EML4: variants seen among roughly 807,000 people sequenced by gnomAD.
EML4 encodes the protein EMAP like 4, also known as echinoderm microtubule-associated protein-like 4.
A neutral mutation model predicts 129.0 loss-of-function variants in EML4; 72 were observed. The ratio of observed to expected loss-of-function variants is 0.56; its 90% CI spans 0.46 to 0.68. The LOEUF (loss-of-function observed/expected upper bound fraction) is 0.68, where lower values mean the gene tolerates loss of function less well. EML4 is among the 30% of genes least tolerant of loss of function. The pLI is 0.00. For synonymous variants in EML4, 532 were observed against 405.0 expected (o/e 1.31, Z -3.77); for missense variants, 1,363 against 1,190.6 (o/e 1.14, Z -2.13).
chr2:42,218,285 C>T (rs935820394), intron 1 of EML4, among the ~76,000 whole-genome samples: 1 of 151,980 alleles, frequency 6.6e-6, no homozygotes, highest in Non-Finnish European at 1.5e-5. Flanking sequence ...TTTTCCATCA[C>T]TTCCAGATGG....
At chr2:42,294,988 C>A in intron 11 of EML4, 137 bp from the exon 12 acceptor site, 1 of 711,028 alleles carries the variant, frequency 1.4e-6, no homozygotes, top group Non-Finnish European at 2.2e-6. Context: ...CAAAATTTTT[C>A]AGGAAAATTG....
rs776697837 is a variant in EML4 at position 42,330,300 on chromosome 2, GTTGA to G, written c.*98_*101del. ...GGATGGGCAGTGATGGAGAATCACT[GTTGA>G]TTGAGATTTTGGTTTCCATGTGATT... On this transcript the variant is annotated 3_prime_UTR_variant, in exon 23 of 23. Transcript: ENST00000318522. 3 of 1,166,684 alleles carry G rather than the reference GTTGA, an allele frequency of 2.6e-6. No homozygotes were observed. Among genetic ancestry groups the G allele is most frequent in the Non-Finnish European group, 3.8e-6 (3 of 793,050 alleles). 72.3% of individuals were successfully genotyped at this position (1,166,684 alleles called of 1,614,324 possible).
intron 1 of EML4, among the ~76,000 whole-genome samples, chr2:42,188,740 G>C (rs1671413240): frequency 2.0e-5 from 3 of 152,066 alleles, no homozygotes; most frequent in African/African-American, 4.8e-5. Flanking sequence ...TGGCCAGGTT[G>C]GTCTTGAACT....
intron 3 of EML4, among the ~76,000 whole-genome samples, chr2:42,259,901 T>C (rs1481674535): frequency 6.6e-6 from 1 of 151,816 alleles, no homozygotes; most frequent in African/African-American, 2.4e-5. Flanking sequence ...AGCTAATTTT[T>C]TGTATTTGTT....
At chr2:42,301,611 G>A (rs1206950434) in intron 14 of EML4, among the ~76,000 whole-genome samples, 1 of 151,484 alleles carries the variant, frequency 6.6e-6, no homozygotes, top group African/African-American at 2.4e-5. Flanking sequence ...AGATTAGGCA[G>A]AATAATTTGC....
At chr2:42,240,850 C>T (rs1166371495) in intron 1 of EML4, among the ~76,000 whole-genome samples, 1 of 152,054 alleles carries the variant, frequency 6.6e-6, no homozygotes, top group Admixed American at 6.6e-5. Flanking sequence ...TGGTAAATAG[C>T]AAACAGATGG....
intron 1 of EML4, among the ~76,000 whole-genome samples, chr2:42,187,586 A>G (rs1671334818): frequency 6.6e-6 from 1 of 152,160 alleles, no homozygotes; most frequent in African/African-American, 2.4e-5. Flanking sequence ...GCTGCAGTGA[A>G]CATTTGAGTA....
At chr2:42,254,340 A>G (rs1675982323) in intron 2 of EML4, among the ~76,000 whole-genome samples, 1 of 151,950 alleles carries the variant, frequency 6.6e-6, no homozygotes, top group South Asian at 2.1e-4. Flanking sequence ...ACCTGTAGTC[A>G]CAGCTGCTCA....
chr2:42,316,027 T>C lies in EML4; in HGVS notation c.2033T>C (p.Leu678Pro). ...VSIHTDGNEQLSVMRYSIDGT... is the reference protein window; with the variant it reads ...VSIHTDGNEQPSVMRYSIDGT... ...ATCCACACAGACGGGAATGAACAGC[T>C]CTCTGTGATGCGCTACTCAATAGGT... The change falls in exon 18 of 23, where the codon CTC becomes CCC. Residue 678 changes from leucine (L) to proline (P), a missense_variant. Transcript: ENST00000318522. 6.2e-7 allele frequency: 1 copy of C among 1,613,726 alleles called. No homozygotes were observed. The highest frequency in any genetic ancestry group is 8.5e-7 in the Non-Finnish European group (1 of 1,179,700).
intron 1 of EML4, among the ~76,000 whole-genome samples, chr2:42,174,433 G>C (rs539613961): frequency 6.6e-6 from 1 of 152,200 alleles, no homozygotes; most frequent in South Asian, 2.1e-4. Flanking sequence ...TGGGATTACA[G>C]TTGTGTACCA....
chr2:42,309,242 C>CA (rs1480563803), intron 17 of EML4, among the ~76,000 whole-genome samples: 3 of 147,380 alleles, frequency 2.0e-5, no homozygotes, highest in African/African-American at 7.4e-5. Flanking sequence ...CTTGCCTCTA[C>CA]AAAAAATAAA....
In EML4 at chr2:42,169,570, G is replaced by T. The variant is rs542007323; in HGVS notation, c.-42G>T. On this transcript the variant is annotated 5_prime_UTR_variant, in exon 1 of 23. Coordinates refer to ENST00000318522, the MANE Select transcript of EML4 (RefSeq NM_019063.5). The stretch of plus-strand genomic sequence containing the variant: ...ACTCTGTCGGTCCGCTGAATGAAGT[G>T]CCCGCCCCTCTAAGCCCGGAGCCCG... 1.1e-4 allele frequency: 176 copies of T among 1,591,922 alleles called. No homozygotes were observed. Among genetic ancestry groups the T allele is most frequent in the Admixed American group, 5.1e-4 (30 of 58,324 alleles).
At chr2:42,179,959 G>A (rs1670836552) in intron 1 of EML4, among the ~76,000 whole-genome samples, 1 of 152,176 alleles carries the variant, frequency 6.6e-6, no homozygotes, top group Admixed American at 6.5e-5. Flanking sequence ...GAGGGACAGA[G>A]CATGCATATG....
chr2:42,206,440 T>C (rs1350860887), intron 1 of EML4, among the ~76,000 whole-genome samples: 4 of 152,124 alleles, frequency 2.6e-5, no homozygotes, highest in African/African-American at 7.2e-5. Flanking sequence ...GGTCCCAAAC[T>C]CCTGGCCTCA....
intron 17 of EML4, among the ~76,000 whole-genome samples, chr2:42,308,906 C>T (rs56271935): frequency 0.11 from 17,365 of 152,182 alleles, 1,047 homozygotes; most frequent in Middle Eastern, 0.22. Flanking sequence ...TTAAGTACTT[C>T]ATATATAGCA....
chr2:42,173,334 T>A (rs924938165), intron 1 of EML4, among the ~76,000 whole-genome samples: 3 of 152,148 alleles, frequency 2.0e-5, no homozygotes, highest in Non-Finnish European at 4.4e-5. Flanking sequence ...ATTGGTTGCC[T>A]CTTGAAGAGT....
chr2:42,306,090 T>C (rs1668578468), intron 17 of EML4, among the ~76,000 whole-genome samples: 1 of 152,212 alleles, frequency 6.6e-6, no homozygotes, highest in Non-Finnish European at 1.5e-5. Flanking sequence ...ATTAGGCTGC[T>C]TGAGAGAGCA....
At chr2:42,206,295 C>A (rs920426647) in intron 1 of EML4, among the ~76,000 whole-genome samples, 1 of 152,128 alleles carries the variant, frequency 6.6e-6, no homozygotes, top group Admixed American at 6.6e-5. Context: ...CTTAGTATAG[C>A]CTCACATTCC....
chr2:42,301,015 A>C (rs757449567), intron 13 of EML4, among the ~76,000 whole-genome samples: 17 of 152,158 alleles, frequency 1.1e-4, no homozygotes, highest in Non-Finnish European at 2.5e-4. Context: ...AATATTTTGA[A>C]ATATTTTCAG....
Sources: allele counts gnomAD v4.1 joint callset (sites outside exome capture counted in the v4.1 genomes callset), GRCh38; gene constraint gnomAD v4.1.1; transcripts MANE v1.5; gene names NCBI Gene and HGNC (gene_info 2026-07-23, HGNC 2026-07-21).